The following NETO1 variants were observed in gnomAD, a reference collection of about 807,000 sequenced individuals.
NETO1 encodes the protein neuropilin and tolloid like 1.
A neutral mutation model predicts 61.3 loss-of-function variants in NETO1; 26 were observed. The ratio of observed to expected loss-of-function variants is 0.42; its 90% CI spans 0.31 to 0.59. NETO1 has a LOEUF of 0.59. Among genes scored for constraint, NETO1 ranks in the 20% least tolerant of loss-of-function variants. NETO1 has a pLI of 0.12. For missense variants in NETO1, 531 were observed against 662.8 expected, an observed-to-expected ratio of 0.80 and a Z score of 2.18; for synonymous variants, 225 against 225.8, an observed-to-expected ratio of 1.00 and a Z score of 0.03.
At chr18:72,791,014 C>A (rs2072097247) in intron 6 of NETO1, among the ~76,000 whole-genome samples, 3 of 152,152 alleles carry the variant, frequency 2.0e-5, no homozygotes. Context: ...TATGTCTACA[C>A]TCCTTTGTTA....
intron 4 of NETO1, among the ~76,000 whole-genome samples, chr18:72,801,290 A>T (rs953455328): frequency 2.0e-5 from 3 of 150,362 alleles, no homozygotes; most frequent in Non-Finnish European, 4.5e-5. Context: ...CAATTATGTG[A>T]AATTACTAAA....
intron 4 of NETO1, among the ~76,000 whole-genome samples, chr18:72,822,772 G>C (rs2073241801): frequency 6.6e-6 from 1 of 152,096 alleles, no homozygotes; most frequent in Non-Finnish European, 1.5e-5. Context: ...TTTATAAATT[G>C]TTAAGTTTGT....
intron 3 of NETO1, among the ~76,000 whole-genome samples, chr18:72,862,402 G>C (rs930622979): frequency 6.6e-6 from 1 of 152,114 alleles, no homozygotes; most frequent in Non-Finnish European, 1.5e-5. Flanking sequence ...TCTCTCCACT[G>C]AGCTAGAGCT....
chr18:72,840,362 G>A (rs1014819829), intron 4 of NETO1, among the ~76,000 whole-genome samples: 25 of 152,182 alleles, frequency 1.6e-4, no homozygotes, highest in African/African-American at 6.0e-4. Context: ...GCTACATGCG[G>A]GCAGTTAGGT....
intron 4 of NETO1, among the ~76,000 whole-genome samples, chr18:72,835,630 C>T (rs890691288): frequency 1.3e-5 from 2 of 152,070 alleles, no homozygotes; most frequent in Admixed American, 6.6e-5. Context: ...GTTTGGTGAG[C>T]CCGAAGTTGG....
At chr18:72,816,780 G>C (rs1175826838) in intron 4 of NETO1, among the ~76,000 whole-genome samples, 1 of 152,052 alleles carries the variant, frequency 6.6e-6, no homozygotes, top group Non-Finnish European at 1.5e-5. Context: ...GCTGGCTGGG[G>C]GTGGGGAGCT....
At chr18:72,862,191 T>G (rs2145672088) in intron 3 of NETO1, among the ~76,000 whole-genome samples, 1 of 152,344 alleles carries the variant, frequency 6.6e-6, no homozygotes, top group African/African-American at 2.4e-5. Context: ...GGAAGGTTAC[T>G]ACAATATAAT....
Position 72,745,777 on chromosome 18 carries a change from T to C in NETO1, c.*2402A>G, listed in dbSNP as rs2070418341. ...CTGCCAGAGCGCTGCACTCCCAAGT[T>C]TGAGCATCTAGAGTGAATGCCAGGA... On this transcript the variant is annotated 3_prime_UTR_variant, in exon 11 of 11. Transcript: ENST00000327305. The C allele has an allele frequency of 6.6e-6, 1 of 152,248 alleles. No homozygotes were observed. The allele number at this position is 152,248 out of a possible 1,614,324, so 9.4% of individuals were successfully genotyped here.
chr18:72,773,642 T>G (rs1354051459), intron 7 of NETO1, among the ~76,000 whole-genome samples: 1 of 152,166 alleles, frequency 6.6e-6, no homozygotes, highest in Admixed American at 6.5e-5. Context: ...GATGGTTTTA[T>G]AGGCGTCTCA....
chr18:72,764,080 C>T (rs1182767246), intron 7 of NETO1, among the ~76,000 whole-genome samples: 1 of 152,066 alleles, frequency 6.6e-6, no homozygotes, highest in East Asian at 1.9e-4. Flanking sequence ...CAATTATTTC[C>T]ACCTGGTCCA....
chr18:72,824,909 A>T (rs2145332215), intron 4 of NETO1, among the ~76,000 whole-genome samples: 1 of 152,210 alleles, frequency 6.6e-6, no homozygotes, highest in South Asian at 2.1e-4. Flanking sequence ...AAATTTAAAA[A>T]TAAAGAGATT....
chr18:72,789,210 GCACACA>G (rs71166426), intron 6 of NETO1, among the ~76,000 whole-genome samples: 7,529 of 141,522 alleles, frequency 0.053, 220 homozygotes, highest in Non-Finnish European at 0.079. Context: ...TAACACACAA[GCACACA>G]CACACACACA....
chr18:72,763,359 T>C (rs2071043485), intron 7 of NETO1, among the ~76,000 whole-genome samples: 1 of 152,124 alleles, frequency 6.6e-6, no homozygotes, highest in Non-Finnish European at 1.5e-5. Flanking sequence ...AAAGACTCAT[T>C]ACACCACTGG....
intron 4 of NETO1, among the ~76,000 whole-genome samples, chr18:72,838,742 T>C (rs2073833740): frequency 6.6e-6 from 1 of 152,220 alleles, no homozygotes; most frequent in African/African-American, 2.4e-5. Flanking sequence ...CTCTAAGACT[T>C]TGTAAATTTC....
intron 7 of NETO1, among the ~76,000 whole-genome samples, chr18:72,770,724 T>C (rs1568185271): frequency 6.6e-6 from 1 of 152,192 alleles, no homozygotes; most frequent in Non-Finnish European, 1.5e-5. Context: ...CATAACATTT[T>C]CTTTTCGTGG....
chr18:72,797,770 T>C (rs1490043368), intron 4 of NETO1, among the ~76,000 whole-genome samples: 1 of 152,206 alleles, frequency 6.6e-6, no homozygotes, highest in Non-Finnish European at 1.5e-5. Context: ...ATGCTGCTGG[T>C]TCCACTCTCT....
At position 72,867,465 on chromosome 18, in the gene NETO1, G is replaced by GCAGC. The variant is rs2074776841; in HGVS notation, c.-178_-175dup. 2.4e-6 allele frequency: 1 copy of GCAGC among 421,964 alleles called. No individual in the cohort carries two copies. The highest frequency in any genetic ancestry group is 4.2e-6 in the Non-Finnish European group (1 of 238,386). 26.1% of individuals were successfully genotyped at this position (421,964 alleles called of 1,614,324 possible). ...GAAGGGGGAGCTCCGAGCCCACGCTGCAGCCAGATCCGGATGAGTCCGTCC... is the reference window on the plus strand; with the variant it reads ...GAAGGGGGAGCTCCGAGCCCACGCTGCAGCCAGCCAGATCCGGATGAGTCCGTCC... On this transcript the variant is annotated 5_prime_UTR_variant, in exon 1 of 11. The change abolishes the stop of an existing upstream ORF in the 5' untranslated region. Transcript: ENST00000327305.
chr18:72,804,633 G>C (rs2072615510), intron 4 of NETO1, among the ~76,000 whole-genome samples: 1 of 152,114 alleles, frequency 6.6e-6, no homozygotes, highest in African/African-American at 2.4e-5. Flanking sequence ...TGTTGGTTTA[G>C]GTTTTTACAA....
rs552232044 is a variant in NETO1, at chr18:72,829,188, GACTT to G, written c.469+29634_469+29637del. On this transcript the variant is annotated intron_variant, in intron 4 of 10. Coordinates refer to ENST00000327305, the MANE Select transcript of NETO1 (RefSeq NM_138966.5). The stretch of plus-strand genomic sequence containing the variant: ...ATGGATTGAAGAAGACATTTTAAAA[GACTT>G]AGGATTAAATGGTAGTGCAAGGCAT... 1.2e-4 allele frequency among the ~76,000 whole-genome samples: 18 copies of G among 152,202 alleles called. No homozygotes were observed. In the East Asian group the frequency reaches 3.5e-3, roughly 29 times the overall value.
Sources: allele counts gnomAD v4.1 joint callset (sites outside exome capture counted in the v4.1 genomes callset), GRCh38; gene constraint gnomAD v4.1.1; transcripts MANE v1.5; gene names NCBI Gene and HGNC (gene_info 2026-07-23, HGNC 2026-07-21).